The following CCDC88C variants were observed in gnomAD, a reference collection of about 807,000 sequenced individuals.
The protein encoded by CCDC88C is protein Daple.
Under a neutral mutation model 198.8 loss-of-function variants are expected in CCDC88C, and 131 were observed. The ratio of observed to expected loss-of-function variants is 0.66; its 90% CI spans 0.57 to 0.76. The LOEUF (loss-of-function observed/expected upper bound fraction) is 0.76, where lower values mean the gene tolerates loss of function less well. Among genes scored for constraint, CCDC88C ranks in the 30% least tolerant of loss-of-function variants. CCDC88C has a pLI of 0.00. For missense variants in CCDC88C, 2,553 were observed against 2,631.6 expected, an observed-to-expected ratio of 0.97 and a Z score of 0.65; for synonymous variants, 1,166 against 1,114.7, an observed-to-expected ratio of 1.05 and a Z score of -0.92.
Position 91,272,503 on chromosome 14 carries a change from G to A in CCDC88C, c.*122C>T, listed in dbSNP as rs369829625. 183 of 994,918 alleles carry A rather than the reference G, an allele frequency of 1.8e-4. No individual in the cohort carries two copies. Among genetic ancestry groups the A allele is most frequent in the Middle Eastern group, 1.7e-3 (5 of 3,006 alleles). 61.6% of individuals were successfully genotyped at this position (994,918 alleles called of 1,614,324 possible). A position where few individuals can be genotyped will look rare whatever the true frequency, so the allele number is the denominator to read the frequency against. ...TTCACAGAACAAACAGCAGAAATGCGTGGGAACCCCTTTCCTCATTCCAAA... is the reference window on the plus strand; with the variant it reads ...TTCACAGAACAAACAGCAGAAATGCATGGGAACCCCTTTCCTCATTCCAAA... On this transcript the variant is annotated 3_prime_UTR_variant, in exon 30 of 30. Transcript: ENST00000389857.
chr14:91,359,614 A>G (rs1387482525), intron 4 of CCDC88C, 28 bp downstream of exon 4: 1 of 1,585,280 alleles, frequency 6.3e-7, no homozygotes, highest in Non-Finnish European at 8.6e-7. Context: ...TGGGCACCAC[A>G]GGGGAGAAGG....
intron 14 of CCDC88C, 134 bp from the exon 15 acceptor site, chr14:91,314,284 TC>T (rs1567070653): frequency 1.5e-6 from 1 of 684,652 alleles, no homozygotes; most frequent in Non-Finnish European, 2.4e-6. Context: ...GCCTGTGCGT[TC>T]CCCAGAGGCT....
chr14:91,342,961 A>G (rs553262499), intron 5 of CCDC88C, among the ~76,000 whole-genome samples: 2 of 152,168 alleles, frequency 1.3e-5, no homozygotes, highest in African/African-American at 2.4e-5. Context: ...CTGTGTTCCA[A>G]TAAAACTTTA....
intron 3 of CCDC88C, among the ~76,000 whole-genome samples, chr14:91,393,867 C>T (rs1211200296): frequency 6.6e-6 from 1 of 152,164 alleles, no homozygotes; most frequent in African/African-American, 2.4e-5. Context: ...AAAAAGAAAT[C>T]AACTTCATGA....
intron 22 of CCDC88C, among the ~76,000 whole-genome samples, chr14:91,296,511 A>C (rs1891008137): frequency 6.6e-6 from 1 of 152,110 alleles, no homozygotes; most frequent in African/African-American, 2.4e-5. Context: ...CTTTGCCTCC[A>C]TCCCGCCTCC....
intron 2 of CCDC88C, among the ~76,000 whole-genome samples, chr14:91,409,065 ACCC>A (rs1158771705): frequency 6.6e-6 from 1 of 152,190 alleles, no homozygotes; most frequent in Non-Finnish European, 1.5e-5. Flanking sequence ...ATCAGTGCAG[ACCC>A]CAAATGTTAT....
At chr14:91,328,841 G>A (rs1024033775) in intron 10 of CCDC88C, among the ~76,000 whole-genome samples, 1 of 152,130 alleles carries the variant, frequency 6.6e-6, no homozygotes, top group East Asian at 1.9e-4. Flanking sequence ...CACTCCCCAC[G>A]GAGCACCTAT....
At chr14:91,322,955 G>A (rs1955172927) in intron 12 of CCDC88C, among the ~76,000 whole-genome samples, 2 of 147,776 alleles carry the variant, frequency 1.4e-5, no homozygotes, top group Admixed American at 1.4e-4. Context: ...ACCCAGGCTG[G>A]AGTGCAGTGG....
intron 29 of CCDC88C, among the ~76,000 whole-genome samples, 173 bp downstream of exon 29, chr14:91,277,749 G>T (rs908494439): frequency 6.6e-6 from 1 of 152,230 alleles, no homozygotes; most frequent in East Asian, 1.9e-4. Flanking sequence ...TGGGGCTGGC[G>T]GCTGGCTTGC....
chr14:91,285,310 C>A, intron 25 of CCDC88C: 2 of 367,084 alleles, frequency 5.4e-6, no homozygotes, highest in South Asian at 2.0e-5. Context: ...GTGCAGCAAC[C>A]ACCCGCCAGT....
chr14:91,343,014 G>A (rs1893370774), intron 5 of CCDC88C, among the ~76,000 whole-genome samples: 1 of 152,234 alleles, frequency 6.6e-6, no homozygotes, highest in African/African-American at 2.4e-5. Flanking sequence ...GAGTGCAGTG[G>A]CATGATCATG....
intron 4 of CCDC88C, among the ~76,000 whole-genome samples, chr14:91,350,573 T>C (rs771543767): frequency 1.3e-5 from 2 of 152,174 alleles, no homozygotes. Flanking sequence ...TCCCTTTCCC[T>C]TCCTGCCCCA....
intron 19 of CCDC88C, among the ~76,000 whole-genome samples, chr14:91,304,280 AT>A (rs201646803): frequency 0.019 from 2,950 of 152,212 alleles, 94 homozygotes; most frequent in African/African-American, 0.064. Flanking sequence ...CTCTCTGACT[AT>A]TTTTTAAAAA....
chr14:91,357,945 CG>C (rs1567096465), intron 4 of CCDC88C, among the ~76,000 whole-genome samples: 1 of 152,214 alleles, frequency 6.6e-6, no homozygotes, highest in South Asian at 2.1e-4. Context: ...CGCTTGCTGC[CG>C]GGGGCCACCA....
At chr14:91,318,938 A>AAAAGAACCT (rs1892229911) in intron 13 of CCDC88C, among the ~76,000 whole-genome samples, 1 of 149,616 alleles carries the variant, frequency 6.7e-6, no homozygotes, top group African/African-American at 2.5e-5. Context: ...AAAAAAAAAA[A>AAAAGAACCT]GAACCTGCAG....
intron 3 of CCDC88C, among the ~76,000 whole-genome samples, chr14:91,395,478 C>T (rs1286396710): frequency 6.6e-6 from 1 of 152,132 alleles, no homozygotes. Context: ...CCAGGGAAAG[C>T]GTTCAGGGAC....
chr14:91,338,591 AAG>A lies in CCDC88C; in HGVS notation c.810-23_810-22del, dbSNP rs764861621. 2.7e-5 allele frequency: 41 copies of A among 1,542,420 alleles called. No homozygotes were observed. In the African/African-American group the frequency reaches 4.2e-4, roughly 16 times the overall value. On this transcript the variant is annotated intron_variant, in intron 8 of 29. Transcript: ENST00000389857. This position sits in a 1 kb window ranked among gnomAD's most constrained non-coding sequence, Gnocchi z 4.8. ...CCTCCCTGCAGAGGCAGTAAGGAGA[AAG>A]AGTGTGGGAGGCAGCTTCCTCAACA...
chr14:91,289,769 G>A (rs1164894277), intron 24 of CCDC88C, among the ~76,000 whole-genome samples: 1 of 152,112 alleles, frequency 6.6e-6, no homozygotes, highest in Admixed American at 6.5e-5. Context: ...GAGGGCAGAG[G>A]AGAGCAGGCT....
In CCDC88C at chr14:91,337,620, C is replaced by T. The variant is rs191646934; in HGVS notation, c.1050+385G>A. On this transcript the variant is annotated intron_variant, in intron 10 of 29. Coordinates refer to ENST00000389857, the MANE Select transcript of CCDC88C (RefSeq NM_001080414.4). ...TCTCCCAAAGTGCTGGGAATATAGG[C>T]GTGAGCCGCTGCACCCGGTTGCCCG... Among the ~76,000 whole-genome samples the T allele has an allele frequency of 9.2e-5, 14 of 152,372 alleles. No homozygotes were observed. The East Asian group carries it at 2.5e-3, about 27-fold the overall frequency.
Sources: allele counts gnomAD v4.1 joint callset (sites outside exome capture counted in the v4.1 genomes callset), GRCh38; gene constraint gnomAD v4.1.1; non-coding constraint Gnocchi (gnomAD v3.1); transcripts MANE v1.5; gene names NCBI Gene and HGNC (gene_info 2026-07-23, HGNC 2026-07-21).